Variants in NOP14 observed in about 807,000 individuals in gnomAD.
NOP14 encodes nucleolar protein 14.
In NOP14, 57 loss-of-function variants were observed where a neutral mutation model predicts 101.6. The ratio of observed to expected loss-of-function variants is 0.56; its 90% CI spans 0.45 to 0.70. NOP14 has a LOEUF of 0.70. Ranked by LOEUF, NOP14 falls within the 30% of genes least tolerant of loss-of-function variation. The pLI is 0.00. For missense variants in NOP14, 1,134 were observed against 1,075.5 expected, an observed-to-expected ratio of 1.05 and a Z score of -0.76; for synonymous variants, 428 against 424.0, an observed-to-expected ratio of 1.01 and a Z score of -0.12.
rs773499236 is a variant in NOP14 at position 2,939,665 on chromosome 4, C to T, written c.2200-20G>A. On this transcript the variant is annotated intron_variant, in intron 15 of 17. Coordinates refer to ENST00000416614, the MANE Select transcript of NOP14 (RefSeq NM_001291978.2). ...CAGCTCCTGAAAAACACGAAATCCC[C>T]GACTCTGCGATGACTCACCTGCTGC... is the stretch of plus-strand genomic sequence containing the variant. 58 of 1,579,832 alleles carry T rather than the reference C, an allele frequency of 3.7e-5. 1 individual carries two copies. The South Asian group carries it at 4.9e-4, about 13-fold the overall frequency.
rs751087827 is a variant in NOP14, at chr4:2,948,394, C to T, written c.1297G>A (p.Glu433Lys). The T allele has an allele frequency of 5.6e-6, 9 of 1,612,020 alleles. No homozygotes were observed. The highest frequency in any genetic ancestry group is 1.3e-5 in the African/African-American group (1 of 74,890). ...PYTFAAPESY[E>K]ELRSLLLGRS... ...CCTAACAACAGAGATCTCAGTTCCTCATAGGATTCAGGGGCTATCAAAAAC... is the reference window on the plus strand; with the variant it reads ...CCTAACAACAGAGATCTCAGTTCCTTATAGGATTCAGGGGCTATCAAAAAC... The change falls in exon 9 of 18, where the codon GAG becomes AAG. Residue 433 changes from glutamate to lysine, a missense_variant. Coordinates refer to ENST00000416614, the MANE Select transcript of NOP14 (RefSeq NM_001291978.2).
At chr4:2,953,719 C>T (rs540021381) in intron 4 of NOP14, 74 bp from the exon 5 acceptor site, 5 of 1,556,904 alleles carry the variant, frequency 3.2e-6, no homozygotes, top group African/African-American at 2.7e-5. Flanking sequence ...AATGTCAGTG[C>T]CAAGGACACA....
In NOP14 at chr4:2,938,798, G is replaced by A. The variant is rs1713890526; in HGVS notation, c.*33C>T. On this transcript the variant is annotated 3_prime_UTR_variant, in exon 18 of 18. Coordinates refer to ENST00000416614, the MANE Select transcript of NOP14 (RefSeq NM_001291978.2). ...GTTGGAATTGCAGATGTGAGGTAAT[G>A]TCCAGTTCCTTGCCTTATTTATAAA... 6.4e-7 allele frequency: 1 copy of A among 1,553,754 alleles called. No individual in the cohort carries two copies. Among genetic ancestry groups the A allele is most frequent in the Non-Finnish European group, 8.9e-7 (1 of 1,126,618 alleles).
At chr4:2,948,452 T>C in intron 8 of NOP14, 44 bp from the exon 9 acceptor site, 2 of 1,407,460 alleles carry the variant, frequency 1.4e-6, no homozygotes, top group Non-Finnish European at 1.9e-6. Context: ...CATTTATATA[T>C]ATGTATATAT....
Position 2,938,039 on chromosome 4 carries a change from TC to T in NOP14, c.*791del, listed in dbSNP as rs1713788094. 3.0e-6 allele frequency: 1 copy of T among 338,954 alleles called. No homozygotes were observed. The highest frequency in any genetic ancestry group is 1.3e-4 in the East Asian group (1 of 7,976). 21.0% of individuals were successfully genotyped at this position (338,954 alleles called of 1,614,324 possible). ...AAATTACACTGGCCAGAATCCCCAGTCCCCATGAGGCTTGTCCAGACGCAGT... is the reference window on the plus strand; with the variant it reads ...AAATTACACTGGCCAGAATCCCCAGTCCCATGAGGCTTGTCCAGACGCAGT... On this transcript the variant is annotated 3_prime_UTR_variant, in exon 18 of 18. Coordinates refer to ENST00000416614, the MANE Select transcript of NOP14 (RefSeq NM_001291978.2).
Position 2,938,289 on chromosome 4 carries a change from G to C in NOP14, c.*542C>G, listed in dbSNP as rs1051757173. The stretch of plus-strand genomic sequence containing the variant: ...CTCACACCTATAATTGGGGGGCCAA[G>C]GCAGGTGGATTACCTGAGGTCGGGA... On this transcript the variant is annotated 3_prime_UTR_variant, in exon 18 of 18. Transcript: ENST00000416614. 58 of 1,166,280 alleles carry C rather than the reference G, an allele frequency of 5.0e-5. No homozygotes were observed. The African/African-American group carries it at 8.7e-4, about 17-fold the overall frequency. 72.2% of individuals were successfully genotyped at this position (1,166,280 alleles called of 1,614,324 possible).
At chr4:2,962,203 T>C (rs1257393862) in intron 1 of NOP14, among the ~76,000 whole-genome samples, 2 of 152,236 alleles carry the variant, frequency 1.3e-5, no homozygotes, top group Non-Finnish European at 2.9e-5. Flanking sequence ...ATCTCTACTT[T>C]TGAAATGAGA....
chr4:2,958,882 G>A (rs1715519353), intron 1 of NOP14, among the ~76,000 whole-genome samples: 1 of 152,158 alleles, frequency 6.6e-6, no homozygotes, highest in Non-Finnish European at 1.5e-5. Flanking sequence ...GCTGGAAGAG[G>A]AGGAAAAGAG....
chr4:2,947,472 GA>G, intron 10 of NOP14, 53 bp downstream of exon 10: 3 of 1,244,498 alleles, frequency 2.4e-6, no homozygotes, highest in Non-Finnish European at 3.5e-6. Flanking sequence ...CTAAATGGGA[GA>G]AAAATTGTTC....
intron 3 of NOP14, 116 bp from the exon 4 acceptor site, chr4:2,954,679 G>GA: frequency 2.3e-6 from 3 of 1,287,168 alleles, no homozygotes; most frequent in South Asian, 1.5e-5. Flanking sequence ...CCACATTTGA[G>GA]AAAAAAATGC....
At chr4:2,957,938 A>C (rs1425112016) in intron 1 of NOP14, among the ~76,000 whole-genome samples, 198 bp from the exon 2 acceptor site, 1 of 152,222 alleles carries the variant, frequency 6.6e-6, no homozygotes, top group African/African-American at 2.4e-5. Flanking sequence ...TTCAAGGATA[A>C]TGGGGCAATC....
chr4:2,940,768 C>T (rs1478755974), intron 15 of NOP14: 1 of 152,504 alleles, frequency 6.6e-6, no homozygotes, highest in Non-Finnish European at 1.5e-5. Context: ...GAAGGCCTGG[C>T]TTCCCAAGGG....
rs77476952 is a variant in NOP14 at position 2,938,659 on chromosome 4, C to G, written c.*172G>C. The G allele has an allele frequency of 0.035, 21,240 of 598,782 alleles. 637 individuals carry two copies. Among genetic ancestry groups the G allele is most frequent in the African/African-American group, 0.12 (6,223 of 53,756 alleles). 37.1% of individuals were successfully genotyped at this position (598,782 alleles called of 1,614,324 possible). On this transcript the variant is annotated 3_prime_UTR_variant, in exon 18 of 18. Coordinates refer to ENST00000416614, the MANE Select transcript of NOP14 (RefSeq NM_001291978.2). Reference sequence around the variant, plus strand: ...TAGTTGGGACTACAGGTGCGTGCCACCACACTTGGCTAATTTTTATGTTTT... The same window carrying G: ...TAGTTGGGACTACAGGTGCGTGCCAGCACACTTGGCTAATTTTTATGTTTT...
intron 7 of NOP14, 157 bp from the exon 8 acceptor site, chr4:2,950,370 C>T (rs373425780): frequency 2.8e-6 from 2 of 721,642 alleles, no homozygotes; most frequent in Non-Finnish European, 4.6e-6. Flanking sequence ...CACTAGGCCT[C>T]CTGCCCACCA....
In NOP14 at chr4:2,938,504, CA is replaced by C. The variant is rs1232414056; in HGVS notation, c.*326del. The C allele has an allele frequency of 0.012, 3,606 of 295,402 alleles. 32 individuals are homozygous for C. Among genetic ancestry groups the C allele is most frequent in the African/African-American group, 0.04 (1,769 of 44,658 alleles). The allele number at this position is 295,402 out of a possible 1,614,324, so 18.3% of individuals were successfully genotyped here. A position where few individuals can be genotyped will look rare whatever the true frequency, so the allele number is the denominator to read the frequency against. ...GGGCAACAAGAGCAAAACTCCGTCT[CA>C]AAAAAAAAAATTTTTTTTTAAGCGA... On this transcript the variant is annotated 3_prime_UTR_variant, in exon 18 of 18. Coordinates refer to ENST00000416614, the MANE Select transcript of NOP14 (RefSeq NM_001291978.2).
chr4:2,947,359 T>C (rs1714728149), intron 10 of NOP14, 167 bp downstream of exon 10: 1 of 609,524 alleles, frequency 1.6e-6, no homozygotes, highest in African/African-American at 1.9e-5. Context: ...GAAGCCGGCT[T>C]GCGCTGTGAG....
At position 2,954,581 on chromosome 4, in the gene NOP14, A is replaced by G. The variant is rs1244154053; in HGVS notation, c.473-18T>C. The G allele has an allele frequency of 1.2e-6, 2 of 1,613,144 alleles. No homozygotes were observed. The highest frequency in any genetic ancestry group is 1.7e-6 in the Non-Finnish European group (2 of 1,179,632). On this transcript the variant is annotated intron_variant, in intron 3 of 17. Coordinates refer to ENST00000416614, the MANE Select transcript of NOP14 (RefSeq NM_001291978.2). ...CAGCTCAGCTGGGGGCAAAAGGCAG[A>G]AAACCCCACAGTGAAGCCCAGCCCT...
At chr4:2,951,306 G>C in intron 6 of NOP14, 61 bp from the exon 7 acceptor site, 1 of 1,531,486 alleles carries the variant, frequency 6.5e-7, no homozygotes, top group East Asian at 2.3e-5. Flanking sequence ...TGAGGGGGCC[G>C]TGCAGTCCTG....
intron 4 of NOP14, 97 bp downstream of exon 4, chr4:2,954,327 A>G: frequency 2.2e-6 from 3 of 1,382,402 alleles, no homozygotes; most frequent in Non-Finnish European, 3.0e-6. Flanking sequence ...AAAATATTAA[A>G]CACAGCCTAA....
Sources: gnomAD v4.1 joint callset for allele counts (sites outside exome capture counted in the v4.1 genomes callset) on GRCh38, gnomAD v4.1.1 for gene constraint, MANE v1.5 for transcripts, NCBI Gene and HGNC (gene_info 2026-07-23, HGNC 2026-07-21) for gene names.